Variants in LAMA3 observed in about 807,000 individuals in gnomAD.
The protein encoded by LAMA3 is laminin subunit alpha 3.
A neutral mutation model predicts 402.0 loss-of-function variants in LAMA3; 281 were observed. That is an observed-to-expected ratio of 0.70 (90% CI 0.63 to 0.77). The LOEUF (loss-of-function observed/expected upper bound fraction) is 0.77, where lower values mean the gene tolerates loss of function less well. Among genes scored for constraint, LAMA3 ranks in the 30% least tolerant of loss-of-function variants. The pLI, the probability that LAMA3 is intolerant of heterozygous loss-of-function variation, is 0.00. For missense variants in LAMA3, 3,840 were observed against 4,215.5 expected, an observed-to-expected ratio of 0.91 and a Z score of 2.47; for synonymous variants, 1,431 against 1,558.4, an observed-to-expected ratio of 0.92 and a Z score of 1.93.
At chr18:23,890,459 G>T (rs1432334722) in intron 42 of LAMA3, among the ~76,000 whole-genome samples, 1 of 152,020 alleles carries the variant, frequency 6.6e-6, no homozygotes. Flanking sequence ...ATATTGTAGG[G>T]TTATTGTCTC....
intron 55 of LAMA3, among the ~76,000 whole-genome samples, chr18:23,911,141 GCA>G (rs2081411723): frequency 1.5e-5 from 2 of 137,138 alleles, no homozygotes; most frequent in Admixed American, 7.6e-5. Context: ...GTGACAAAAA[GCA>G]GGAGAGAATG....
At chr18:23,860,692 GA>G (rs974481746) in intron 34 of LAMA3, among the ~76,000 whole-genome samples, 16 of 105,616 alleles carry the variant, frequency 1.5e-4, no homozygotes, top group Non-Finnish European at 5.4e-5. Flanking sequence ...CTCAAAAAAA[GA>G]TTTTTTTTTT....
At chr18:23,813,762 G>A (rs1343056114) in intron 14 of LAMA3, among the ~76,000 whole-genome samples, 4 of 151,816 alleles carry the variant, frequency 2.6e-5, no homozygotes, top group Admixed American at 1.3e-4. Flanking sequence ...GGCTGGTCTC[G>A]AACTCCTGAC....
rs375110276 is a variant in LAMA3 at position 23,743,875 on chromosome 18, C to T, written c.448-4068C>T. Among the ~76,000 whole-genome samples, 22 of 152,274 alleles carry T rather than the reference C, an allele frequency of 1.4e-4. No individual in the cohort carries two copies. The East Asian group carries it at 4.1e-3, about 28-fold the overall frequency. On this transcript the variant is annotated intron_variant, in intron 2 of 74. Coordinates refer to ENST00000313654, the MANE Select transcript of LAMA3 (RefSeq NM_198129.4). ...GAAAATGCACAACTTTGCCTTTCTA[C>T]CTACAGTGGCTCCATAGCTTGGTGC...
At chr18:23,796,300 G>A (rs779200245) in intron 12 of LAMA3, 31 of 199,122 alleles carry the variant, frequency 1.6e-4, no homozygotes, top group Non-Finnish European at 2.4e-4. Context: ...TCCTGTGGCC[G>A]TGGAATTCAG....
intron 2 of LAMA3, among the ~76,000 whole-genome samples, chr18:23,742,081 C>T (rs1428351369): frequency 6.6e-6 from 1 of 152,202 alleles, no homozygotes; most frequent in Non-Finnish European, 1.5e-5. Context: ...GAGATCGTGC[C>T]ATGGCACTCC....
intron 48 of LAMA3, among the ~76,000 whole-genome samples, chr18:23,902,453 A>G (rs941557571): frequency 6.6e-6 from 1 of 152,218 alleles, no homozygotes; most frequent in African/African-American, 2.4e-5. Flanking sequence ...GGCAAATGAA[A>G]ATAAATGATG....
chr18:23,916,832 C>G (rs2081643518), intron 60 of LAMA3, 137 bp downstream of exon 60: 1 of 888,292 alleles, frequency 1.1e-6, no homozygotes, highest in Non-Finnish European at 1.8e-6. Flanking sequence ...TTTTCCTCCA[C>G]CCAGTTGTAC....
chr18:23,714,475 G>A (rs774400744), intron 2 of LAMA3, among the ~76,000 whole-genome samples: 15 of 152,152 alleles, frequency 9.9e-5, no homozygotes, highest in East Asian at 3.9e-4. Context: ...AGCCAAGATC[G>A]CGCCACTGCA....
At chr18:23,887,531 A>T (rs1009374072) in intron 41 of LAMA3, among the ~76,000 whole-genome samples, 1 of 152,178 alleles carries the variant, frequency 6.6e-6, no homozygotes, top group African/African-American at 2.4e-5. Flanking sequence ...AAAACAAGCT[A>T]TTATTTCTTT....
intron 33 of LAMA3, among the ~76,000 whole-genome samples, 200 bp downstream of exon 33, chr18:23,858,188 T>G (rs1253370338): frequency 1.3e-5 from 2 of 152,218 alleles, no homozygotes; most frequent in Non-Finnish European, 2.9e-5. Flanking sequence ...TGGAGAGGTC[T>G]CAGACCGCCT....
intron 8 of LAMA3, among the ~76,000 whole-genome samples, chr18:23,768,020 A>G (rs1010716603): frequency 6.6e-6 from 1 of 152,216 alleles, no homozygotes; most frequent in African/African-American, 2.4e-5. Context: ...ACCTCAAACT[A>G]TAAGAATCCT....
chr18:23,889,834 A>G (rs1348278586), intron 41 of LAMA3, among the ~76,000 whole-genome samples, 177 bp from the exon 42 acceptor site: 1 of 152,182 alleles, frequency 6.6e-6, no homozygotes, highest in East Asian at 1.9e-4. Context: ...TATTTCTGTG[A>G]GACAATTCAA....
intron 8 of LAMA3, among the ~76,000 whole-genome samples, chr18:23,767,028 G>C (rs931970591): frequency 6.6e-6 from 1 of 152,074 alleles, no homozygotes; most frequent in African/African-American, 2.4e-5. Context: ...AAAGTTTCAG[G>C]ATACAAAGAT....
intron 12 of LAMA3, among the ~76,000 whole-genome samples, chr18:23,805,498 G>A (rs1346537504): frequency 1.3e-5 from 2 of 152,176 alleles, no homozygotes; most frequent in East Asian, 3.8e-4. Context: ...CCATAGGTCA[G>A]GGAACCAATG....
chr18:23,894,224 T>C, intron 42 of LAMA3, 74 bp from the exon 43 acceptor site: 1 of 1,265,342 alleles, frequency 7.9e-7, no homozygotes, highest in Non-Finnish European at 1.2e-6. Flanking sequence ...CTAGCTTTTC[T>C]GAAAACCAAG....
intron 70 of LAMA3, 153 bp downstream of exon 70, chr18:23,946,437 G>T: frequency 1.1e-6 from 1 of 880,966 alleles, no homozygotes; most frequent in Non-Finnish European, 1.8e-6. Context: ...ACCACATAGA[G>T]TAAGTGCCCA....
rs756935337 is a variant in LAMA3, at chr18:23,898,915, T to C, written c.5725-39T>C. ...TCAAAGTATTTTTATTTTTCCTTAT[T>C]GACTTAATTTGCTGCTAATCAATTT... On this transcript the variant is annotated intron_variant, in intron 45 of 74. Coordinates refer to ENST00000313654, the MANE Select transcript of LAMA3 (RefSeq NM_198129.4). The C allele has an allele frequency of 1.9e-6, 3 of 1,585,924 alleles. No individual in the cohort carries two copies. The East Asian group carries it at 6.7e-5, about 35-fold the overall frequency.
intron 12 of LAMA3, among the ~76,000 whole-genome samples, chr18:23,795,221 A>G (rs1366871734): frequency 1.3e-5 from 2 of 152,254 alleles, no homozygotes; most frequent in African/African-American, 4.8e-5. Context: ...GAAACATAAA[A>G]TTAGAAGACA....
Sources: gnomAD v4.1 joint callset for allele counts (sites outside exome capture counted in the v4.1 genomes callset) on GRCh38, gnomAD v4.1.1 for gene constraint, MANE v1.5 for transcripts, NCBI Gene and HGNC (gene_info 2026-07-23, HGNC 2026-07-21) for gene names.